Variants in PIKFYVE observed in about 807,000 individuals in gnomAD.
The protein encoded by PIKFYVE is 1-phosphatidylinositol 3-phosphate 5-kinase.
A neutral mutation model predicts 257.9 loss-of-function variants in PIKFYVE; 122 were observed. The observed-to-expected ratio is 0.47, with a 90% CI of 0.41 to 0.55. PIKFYVE has a LOEUF of 0.55. Ranked by LOEUF, PIKFYVE falls within the 20% of genes least tolerant of loss-of-function variation. The probability of loss-of-function intolerance (pLI) is 0.00; values close to 1 mark genes in which losing one functional copy is unlikely to be tolerated. For synonymous variants in PIKFYVE, 892 were observed against 868.9 expected, an observed-to-expected ratio of 1.03 and a Z score of -0.47; for missense variants, 2,160 against 2,536.6, an observed-to-expected ratio of 0.85 and a Z score of 3.19.
intron 12 of PIKFYVE, among the ~76,000 whole-genome samples, chr2:208,310,873 A>C (rs939967520): frequency 6.6e-6 from 1 of 152,188 alleles, no homozygotes; most frequent in Non-Finnish European, 1.5e-5. Flanking sequence ...CAGTTGGATA[A>C]ACTTGAGTAT....
At chr2:208,324,765 C>G (rs1696717482) in intron 18 of PIKFYVE, 146 bp from the exon 19 acceptor site, 2 of 972,428 alleles carry the variant, frequency 2.1e-6, no homozygotes, top group South Asian at 1.5e-5. Context: ...GTAGAAGAAT[C>G]CAGAATAAAA....
In PIKFYVE at chr2:208,332,929, G is replaced by A. The variant is rs114339663; in HGVS notation, c.3964-386G>A. Reference sequence around the variant, plus strand: ...GTTTTCTGCAGTCAGTATATATTACGTTTGTATTAGAAAAGAAAATGTTGG... The same window carrying A: ...GTTTTCTGCAGTCAGTATATATTACATTTGTATTAGAAAAGAAAATGTTGG... On this transcript the variant is annotated intron_variant, in intron 23 of 41. Transcript: ENST00000264380. Among the ~76,000 whole-genome samples the A allele has an allele frequency of 4.1e-3, 627 of 152,070 alleles. 4 individuals carry two copies. Among genetic ancestry groups the A allele is most frequent in the African/African-American group, 0.012 (518 of 41,474 alleles).
At chr2:208,345,426 A>G (rs1354098518) in intron 33 of PIKFYVE, among the ~76,000 whole-genome samples, 1 of 152,122 alleles carries the variant, frequency 6.6e-6, no homozygotes, top group Non-Finnish European at 1.5e-5. Flanking sequence ...TTAAATGTAT[A>G]TTGCAGATTT....
At chr2:208,318,950 CAAAAAAAAA>C (rs57665157) in intron 16 of PIKFYVE, among the ~76,000 whole-genome samples, 47 of 108,394 alleles carry the variant, frequency 4.3e-4, no homozygotes, top group Non-Finnish European at 7.6e-4. Context: ...GACTCCGTCT[CAAAAAAAAA>C]AAAAAAAAAA....
intron 38 of PIKFYVE, among the ~76,000 whole-genome samples, chr2:208,351,745 G>A (rs1377855175): frequency 6.6e-6 from 1 of 152,080 alleles, no homozygotes; most frequent in Non-Finnish European, 1.5e-5. Flanking sequence ...GGGGTTGGGG[G>A]TGGGGGAAAG....
intron 7 of PIKFYVE, among the ~76,000 whole-genome samples, chr2:208,297,578 C>G (rs1252677668): frequency 6.6e-6 from 1 of 152,140 alleles, no homozygotes; most frequent in Non-Finnish European, 1.5e-5. Context: ...AGGCAGATTA[C>G]TTAATCCCTT....
intron 32 of PIKFYVE, among the ~76,000 whole-genome samples, chr2:208,344,737 A>G (rs1699069839): frequency 6.7e-6 from 1 of 148,988 alleles, no homozygotes; most frequent in Non-Finnish European, 1.5e-5. Context: ...AAAGTTTAGT[A>G]TGTTAAGTAG....
intron 12 of PIKFYVE, chr2:208,305,508 A>G (rs957218639): frequency 3.5e-6 from 3 of 856,168 alleles, no homozygotes; most frequent in South Asian, 5.3e-5. Flanking sequence ...CTTATTATGT[A>G]TATTCTATAT....
chr2:208,316,685 A>G (rs1432803468), intron 15 of PIKFYVE, among the ~76,000 whole-genome samples: 1 of 152,230 alleles, frequency 6.6e-6, no homozygotes, highest in Non-Finnish European at 1.5e-5. Context: ...GTCAATCCTA[A>G]GCCAAAAGAA....
At chr2:208,277,057 C>T (rs975649590) in intron 4 of PIKFYVE, among the ~76,000 whole-genome samples, 4 of 152,118 alleles carry the variant, frequency 2.6e-5, no homozygotes, top group Non-Finnish European at 5.9e-5. Context: ...AAGTGTTTAT[C>T]TAGTTCAGGG....
At chr2:208,297,726 T>C (rs1693164103) in intron 7 of PIKFYVE, among the ~76,000 whole-genome samples, 1 of 152,200 alleles carries the variant, frequency 6.6e-6, no homozygotes, top group East Asian at 1.9e-4. Flanking sequence ...TCATAGGTGC[T>C]TTTGCCTTTT....
rs540250222 is a variant in PIKFYVE, at chr2:208,301,062, C to T, written c.1176C>T (p.Asn392=). 2 of 1,614,140 alleles carry T rather than the reference C, an allele frequency of 1.2e-6. No individual in the cohort carries two copies. The highest frequency in any genetic ancestry group is 1.1e-5 in the South Asian group (1 of 91,080). ...PNCIVGKELV[N]WLIRNGHIAT... Reference sequence around the variant, plus strand: ...GCATTGTAGGAAAGGAATTAGTCAACTGGCTAATCCGAAATGGGCATATTG... The same window carrying T: ...GCATTGTAGGAAAGGAATTAGTCAATTGGCTAATCCGAAATGGGCATATTG... Residue 392 remains asparagine (N), a synonymous_variant, in exon 9 of 42, where the codon AAC becomes AAT. Transcript: ENST00000264380.
intron 1 of PIKFYVE, among the ~76,000 whole-genome samples, chr2:208,267,500 C>T (rs1489737436): frequency 3.3e-5 from 2 of 60,514 alleles, no homozygotes; most frequent in Non-Finnish European, 6.1e-5. Context: ...ATTACATTGC[C>T]AGTTTTTTTT....
chr2:208,348,713 C>G (rs367692670), intron 35 of PIKFYVE, among the ~76,000 whole-genome samples: 1 of 150,090 alleles, frequency 6.7e-6, no homozygotes, highest in Non-Finnish European at 1.5e-5. Flanking sequence ...TGTAAATTAA[C>G]GTTTATTGGG....
At position 208,298,703 on chromosome 2, in the gene PIKFYVE, A is replaced by C. The variant is rs745948559; in HGVS notation, c.974A>C (p.Glu325Ala). 6.2e-7 allele frequency: 1 copy of C among 1,614,076 alleles called. No individual in the cohort carries two copies. The highest frequency in any genetic ancestry group is 1.1e-5 in the South Asian group (1 of 91,082). The change falls in exon 8 of 42, where the codon GAG becomes GCG. Residue 325 changes from glutamate to alanine, a missense_variant. Glu to Ala is a moderately radical substitution (Grantham distance 107, BLOSUM62 -1). Transcript: ENST00000264380. Reference protein sequence around the residue: ...RSGSPMVPSYETSVSPQANRT... With the variant: ...RSGSPMVPSYATSVSPQANRT... ...GGTTCTCCTATGGTACCTTCATATG[A>C]GACATCTGTCAGTCCCCAGGCTAAC... is the stretch of plus-strand genomic sequence containing the variant.
intron 24 of PIKFYVE, among the ~76,000 whole-genome samples, chr2:208,333,951 ACT>A (rs1697845143): frequency 6.6e-6 from 1 of 152,158 alleles, no homozygotes; most frequent in African/African-American, 2.4e-5. Context: ...CCCTGGCCTA[ACT>A]CTTAACCATT....
intron 31 of PIKFYVE, among the ~76,000 whole-genome samples, chr2:208,341,246 G>T (rs999660651): frequency 3.9e-5 from 6 of 152,156 alleles, no homozygotes; most frequent in African/African-American, 1.4e-4. Flanking sequence ...GACCTCAGGT[G>T]ATCTGCCCAC....
chr2:208,275,389 C>A (rs973109863), intron 3 of PIKFYVE, among the ~76,000 whole-genome samples: 2 of 152,186 alleles, frequency 1.3e-5, no homozygotes, highest in Non-Finnish European at 2.9e-5. Context: ...CCAGGGACTT[C>A]ACAAGTTTTT....
rs140202936 is a variant in PIKFYVE at position 208,347,914 on chromosome 2, C to T, written c.5265C>T (p.Pro1755=). ...TCAGAGGGACAGCAGGGAAAAGCCC[C>T]GATCTCTCTTCCCAGAAGAGAGAGA... ...SFFRGTAGKS[P]DLSSQKRETL... The change falls in exon 35 of 42, where the codon CCC becomes CCT. Residue 1755 remains proline, a synonymous_variant. Transcript: ENST00000264380. 3.3e-5 allele frequency: 53 copies of T among 1,613,710 alleles called. No homozygotes were observed. The highest frequency in any genetic ancestry group is 1.6e-4 in the Middle Eastern group (1 of 6,066).
Sources: gnomAD v4.1 joint callset for allele counts (sites outside exome capture counted in the v4.1 genomes callset) on GRCh38, gnomAD v4.1.1 for gene constraint, MANE v1.5 for transcripts, NCBI Gene and HGNC (gene_info 2026-07-23, HGNC 2026-07-21) for gene names.